The following SMAD6 variants were observed in gnomAD, a reference collection of about 807,000 sequenced individuals.
SMAD6 encodes the protein SMAD family member 6.
In SMAD6, 103 loss-of-function variants were observed where a neutral mutation model predicts 39.4. The observed-to-expected ratio is 2.62, with a 90% CI of 2.23 to 3.08. The LOEUF (loss-of-function observed/expected upper bound fraction) is 3.08. Among genes scored for constraint, SMAD6 ranks in the 30% most tolerant of loss-of-function variants. The pLI is 0.00. For missense variants in SMAD6, 1,104 were observed against 742.9 expected (o/e 1.49, Z -5.65); for synonymous variants, 445 against 353.3 (o/e 1.26, Z -2.91).
At chr15:66,714,455 G>A (rs1480975625) in intron 2 of SMAD6, among the ~76,000 whole-genome samples, 2 of 152,162 alleles carry the variant, frequency 1.3e-5, no homozygotes, top group African/African-American at 2.4e-5. Flanking sequence ...AGATTTTGGT[G>A]TCCGGAAGTG....
intron 3 of SMAD6, among the ~76,000 whole-genome samples, chr15:66,762,493 G>A (rs568793591): frequency 2.6e-5 from 4 of 152,258 alleles, no homozygotes; most frequent in African/African-American, 9.6e-5. Flanking sequence ...GGAGCTCCCT[G>A]TGTTCAAGGC....
chr15:66,741,278 T>A (rs1893810169), intron 3 of SMAD6: 1 of 152,170 alleles, frequency 6.6e-6, no homozygotes, highest in African/African-American at 2.4e-5. Flanking sequence ...CCCTCCCTCA[T>A]CTGCCAGAAG....
rs1390215623 is a variant in SMAD6, at chr15:66,718,110, C to CTG, written c.952+1612_952+1613insTG. On this transcript the variant is annotated intron_variant, in intron 3 of 3. Coordinates refer to ENST00000288840, the MANE Select transcript of SMAD6 (RefSeq NM_005585.5). ...CTCCCTATTGTTAATGATGGAAAGT[C>CTG]CGTGTGTGTGTGTGTGTGTGTGTGT... 8.9e-3 allele frequency among the ~76,000 whole-genome samples: 643 copies of CTG among 72,458 alleles called. 8 individuals are homozygous for CTG. The highest frequency in any genetic ancestry group is 0.043 in the African/African-American group (615 of 14,204). 47.5% of individuals were successfully genotyped at this position (72,458 alleles called of 152,430 possible). A position where few individuals can be genotyped will look rare whatever the true frequency, so the allele number is the denominator to read the frequency against.
intron 3 of SMAD6, among the ~76,000 whole-genome samples, chr15:66,718,815 G>C (rs755750879): frequency 4.6e-5 from 7 of 152,192 alleles, no homozygotes; most frequent in African/African-American, 1.7e-4. Context: ...AATGGCCTAG[G>C]GGGTGACAGG....
rs200004068 is a variant in SMAD6 at position 66,711,691 on chromosome 15, C to T, written c.841C>T (p.Arg281Trp). 1.2e-5 allele frequency: 19 copies of T among 1,613,770 alleles called. No homozygotes were observed. The highest frequency in any genetic ancestry group is 1.1e-4 in the South Asian group (10 of 91,080). The change falls in exon 2 of 4, where the codon CGG becomes TGG. Residue 281 changes from arginine to tryptophan, a missense_variant. Coordinates refer to ENST00000288840, the MANE Select transcript of SMAD6 (RefSeq NM_005585.5). ...GPESPPPPYSRLSPRDEYKPL... is the reference protein window; with the variant it reads ...GPESPPPPYSWLSPRDEYKPL... ...AGAATCTCCGCCACCTCCCTACTCT[C>T]GGCTGTCTCCTCGCGACGAGTACAA...
chr15:66,736,757 C>T (rs539784351), intron 3 of SMAD6, among the ~76,000 whole-genome samples: 6 of 152,162 alleles, frequency 3.9e-5, no homozygotes, highest in African/African-American at 1.2e-4. Context: ...ACCTCTGCCC[C>T]ACCCTGGGTT....
chr15:66,733,526 T>TA (rs1170352738), intron 3 of SMAD6, among the ~76,000 whole-genome samples: 1 of 152,236 alleles, frequency 6.6e-6, no homozygotes, highest in East Asian at 1.9e-4. Context: ...AACTTGTACT[T>TA]AGGTAATTCA....
chr15:66,772,048 A>G (rs576383386), intron 3 of SMAD6, among the ~76,000 whole-genome samples: 1 of 152,248 alleles, frequency 6.6e-6, no homozygotes, highest in East Asian at 1.9e-4. Context: ...ACCTTCGAGG[A>G]TCCCTCTTCA....
At chr15:66,736,680 T>C (rs1893717652) in intron 3 of SMAD6, among the ~76,000 whole-genome samples, 1 of 151,876 alleles carries the variant, frequency 6.6e-6, no homozygotes. Context: ...TCTCTTTTTT[T>C]TTTTTGAGAT....
chr15:66,719,924 G>GA (rs1222342099), intron 3 of SMAD6, among the ~76,000 whole-genome samples: 5 of 152,200 alleles, frequency 3.3e-5, no homozygotes, highest in Admixed American at 1.3e-4. Flanking sequence ...GGGGGTGGTG[G>GA]AGGGAGGCTA....
chr15:66,778,777 A>G (rs1289374327), intron 3 of SMAD6, among the ~76,000 whole-genome samples: 1 of 152,192 alleles, frequency 6.6e-6, no homozygotes, highest in African/African-American at 2.4e-5. Flanking sequence ...CCCAGCATTC[A>G]CTGGTGTATA....
At chr15:66,741,441 C>CT (rs1434397280) in intron 3 of SMAD6, among the ~76,000 whole-genome samples, 1 of 152,226 alleles carries the variant, frequency 6.6e-6, no homozygotes, top group East Asian at 1.9e-4. Flanking sequence ...CCTACAGGAA[C>CT]TTTGGGTCCT....
intron 3 of SMAD6, among the ~76,000 whole-genome samples, chr15:66,779,328 G>T (rs1178484595): frequency 2.6e-5 from 4 of 152,214 alleles, no homozygotes; most frequent in Admixed American, 6.5e-5. Context: ...AGCATCAGAG[G>T]CCTCACTGGA....
At chr15:66,731,402 CA>C (rs1452523708) in intron 3 of SMAD6, among the ~76,000 whole-genome samples, 9 of 143,906 alleles carry the variant, frequency 6.3e-5, no homozygotes, top group African/African-American at 2.4e-4. Flanking sequence ...CCCGCCACTG[CA>C]CTCCAGCCTG....
intron 3 of SMAD6, among the ~76,000 whole-genome samples, chr15:66,719,801 A>T (rs62005626): frequency 0.043 from 6,486 of 152,186 alleles, 187 homozygotes; most frequent in Non-Finnish European, 0.069. Flanking sequence ...CTCTCTGCCG[A>T]GTAGTTGTTG....
Position 66,703,135 on chromosome 15 carries a change from A to G in SMAD6, c.-124A>G. 1 of 668,986 alleles carries G rather than the reference A, an allele frequency of 1.5e-6. No homozygotes were observed. Among genetic ancestry groups the G allele is most frequent in the Non-Finnish European group, 2.2e-6 (1 of 446,920 alleles). 41.4% of individuals were successfully genotyped at this position (668,986 alleles called of 1,614,324 possible). ...CGACGACAGGCTGTGCGCGGTCTGC[A>G]CGGCGCTCCGCGGCGGAGCTTCATG... On this transcript the variant is annotated 5_prime_UTR_variant, in exon 1 of 4. Coordinates refer to ENST00000288840, the MANE Select transcript of SMAD6 (RefSeq NM_005585.5).
At chr15:66,733,159 A>G (rs1388533831) in intron 3 of SMAD6, among the ~76,000 whole-genome samples, 4 of 152,164 alleles carry the variant, frequency 2.6e-5, no homozygotes, top group Admixed American at 2.0e-4. Flanking sequence ...CCCATGGTCT[A>G]CGTGTCTATC....
Position 66,781,844 on chromosome 15 carries a change from T to G in SMAD6, c.*309T>G, listed in dbSNP as rs560961417. ...TTTTCTTTCTCTTCCTCCTTCCTCT[T>G]CCTTACTTTTTATATATATATATAA... On this transcript the variant is annotated 3_prime_UTR_variant, in exon 4 of 4. Coordinates refer to ENST00000288840, the MANE Select transcript of SMAD6 (RefSeq NM_005585.5). 7.5e-4 allele frequency: 297 copies of G among 398,636 alleles called. 1 individual carries two copies. Among genetic ancestry groups the G allele is most frequent in the Non-Finnish European group, 1.1e-3 (238 of 226,026 alleles). 24.7% of individuals were successfully genotyped at this position (398,636 alleles called of 1,614,324 possible).
chr15:66,734,148 C>T (rs1039146220), intron 3 of SMAD6, among the ~76,000 whole-genome samples: 1 of 152,212 alleles, frequency 6.6e-6, no homozygotes, highest in Non-Finnish European at 1.5e-5. Flanking sequence ...GCCCAAGGCT[C>T]TTCCGGGAGC....
Sources: allele counts gnomAD v4.1 joint callset (sites outside exome capture counted in the v4.1 genomes callset), GRCh38; gene constraint gnomAD v4.1.1; transcripts MANE v1.5; gene names NCBI Gene and HGNC (gene_info 2026-07-23, HGNC 2026-07-21).